The following NFIX variants were observed in gnomAD, a reference collection of about 807,000 sequenced individuals.
The protein encoded by NFIX is nuclear factor I X.
A neutral mutation model predicts 53.3 loss-of-function variants in NFIX; 2 were observed. That is an observed-to-expected ratio of 0.04 (90% CI 0.02 to 0.12). The LOEUF (loss-of-function observed/expected upper bound fraction) is 0.12, where lower values mean the gene tolerates loss of function less well. NFIX is among the 10% of genes least tolerant of loss of function. The pLI, the probability that NFIX is intolerant of heterozygous loss-of-function variation, is 1.00. For synonymous variants in NFIX, 244 were observed against 289.0 expected (o/e 0.84, Z 1.58); for missense variants, 310 against 674.5 (o/e 0.46, Z 5.99).
intron 1 of NFIX, among the ~76,000 whole-genome samples, chr19:12,997,834 C>T (rs1352167125): frequency 1.3e-5 from 2 of 152,206 alleles, no homozygotes; most frequent in African/African-American, 2.4e-5. Flanking sequence ...GGGGCGGCTG[C>T]GAGACCCAGG....
At chr19:13,024,704 G>T in intron 1 of NFIX, 1 of 1,536,446 alleles carries the variant, frequency 6.5e-7, no homozygotes, top group Non-Finnish European at 8.7e-7. Flanking sequence ...CGGCAACGTT[G>T]TCTGTGCGCG....
At chr19:13,044,041 A>C (rs948102685) in intron 2 of NFIX, among the ~76,000 whole-genome samples, 1 of 152,168 alleles carries the variant, frequency 6.6e-6, no homozygotes, top group East Asian at 1.9e-4. Context: ...TGGAAGCGTA[A>C]GTGTCTTCAG....
In NFIX at chr19:13,073,099, A is replaced by G; in HGVS notation, c.612A>G (p.Pro204=). Residue 204 remains proline, a synonymous_variant, in exon 3 of 11, where the codon CCA becomes CCG. Coordinates refer to ENST00000592199, the MANE Select transcript of NFIX (RefSeq NM_001365902.3). The surrounding 1 kb of genome is among the most constrained non-coding windows in gnomAD (Gnocchi z 4.5). ...AGCAAGGAGATGCGGACATCAAACC[A>G]CTGCCCAACGGTCAGTGCCCCCCAC... ...SNQQGDADIK[P]LPNGHLSFQD... is the part of the protein sequence containing the mutation. The G allele has an allele frequency of 3.7e-6, 6 of 1,613,986 alleles. No individual in the cohort carries two copies. The highest frequency in any genetic ancestry group is 2.2e-5 in the East Asian group (1 of 44,882).
At chr19:13,042,190 G>A (rs2014680140) in intron 2 of NFIX, among the ~76,000 whole-genome samples, 1 of 151,932 alleles carries the variant, frequency 6.6e-6, no homozygotes, top group East Asian at 1.9e-4. Context: ...ACAGGCATGA[G>A]CCACTGCGCC....
chr19:13,058,841 G>A (rs1028201244), intron 2 of NFIX, among the ~76,000 whole-genome samples: 2 of 152,104 alleles, frequency 1.3e-5, no homozygotes, highest in African/African-American at 2.4e-5. Flanking sequence ...GTGGGGAGGG[G>A]TAGGTCTGAG....
At position 13,078,608 on chromosome 19, in the gene NFIX, C is replaced by T. The variant is rs748466972; in HGVS notation, c.956-5C>T. Reference sequence around the variant, plus strand: ...CTGCCCTGTGTTGCTGCTTCCTCCCCCCAGGCCCGGCTTCTCTAAAGAAGT... The same window carrying T: ...CTGCCCTGTGTTGCTGCTTCCTCCCTCCAGGCCCGGCTTCTCTAAAGAAGT... On this transcript the variant is annotated splice_region_variant and splice_polypyrimidine_tract_variant and intron_variant, in intron 6 of 10. Coordinates refer to ENST00000592199, the MANE Select transcript of NFIX (RefSeq NM_001365902.3). The surrounding 1 kb of genome is among the most constrained non-coding windows in gnomAD (Gnocchi z 4.7). 3 of 1,598,508 alleles carry T rather than the reference C, an allele frequency of 1.9e-6. No individual in the cohort carries two copies. The highest frequency in any genetic ancestry group is 2.7e-5 in the African/African-American group (2 of 74,508).
Position 13,072,949 on chromosome 19 carries a change from G to A in NFIX, c.560-98G>A, listed in dbSNP as rs970964317. 26 of 1,201,336 alleles carry A rather than the reference G, an allele frequency of 2.2e-5. No individual in the cohort carries two copies. Among genetic ancestry groups the A allele is most frequent in the African/African-American group, 1.2e-4 (8 of 66,742 alleles). The allele number at this position is 1,201,336 out of a possible 1,614,324, so 74.4% of individuals were successfully genotyped here. On this transcript the variant is annotated intron_variant, in intron 2 of 10. Transcript: ENST00000592199. This position sits in a 1 kb window ranked among gnomAD's most constrained non-coding sequence, Gnocchi z 4.0. Reference sequence around the variant, plus strand: ...AAGGTTTCTGTAGCCAGGGTGGGCCGTCCCTGCTCTTGCACCAGGCTGGAG... The same window carrying A: ...AAGGTTTCTGTAGCCAGGGTGGGCCATCCCTGCTCTTGCACCAGGCTGGAG...
chr19:13,024,921 C>T (rs1006767447), intron 1 of NFIX, 100 bp from the exon 2 acceptor site: 3 of 1,487,816 alleles, frequency 2.0e-6, no homozygotes, highest in South Asian at 1.2e-5. Context: ...TGTGCCCCCC[C>T]TTCTAACGCT....
chr19:13,014,210 C>T lies in NFIX; in HGVS notation c.28-10811C>T, dbSNP rs929060737. ...TGCGGGCTTTTTTTTTCTCACCCGCCGTTCCCTCCGCTCCGGTCTGATTCG... is the reference window on the plus strand; with the variant it reads ...TGCGGGCTTTTTTTTTCTCACCCGCTGTTCCCTCCGCTCCGGTCTGATTCG... On this transcript the variant is annotated intron_variant, in intron 1 of 10. Coordinates refer to ENST00000592199, the MANE Select transcript of NFIX (RefSeq NM_001365902.3). The surrounding 1 kb of genome is among the most constrained non-coding windows in gnomAD (Gnocchi z 4.4). 1 of 152,110 alleles carries T rather than the reference C, an allele frequency of 6.6e-6. No homozygotes were observed. Among genetic ancestry groups the T allele is most frequent in the Non-Finnish European group, 1.5e-5 (1 of 68,028 alleles). The allele number at this position is 152,110 out of a possible 1,614,324, so 9.4% of individuals were successfully genotyped here.
rs1236280174 is a variant in NFIX at position 13,005,694 on chromosome 19, T to A, written c.27+9830T>A. Among the ~76,000 whole-genome samples, 2 of 152,126 alleles carry A rather than the reference T, an allele frequency of 1.3e-5. No individual in the cohort carries two copies. The highest frequency in any genetic ancestry group is 2.9e-5 in the Non-Finnish European group (2 of 68,024). ...CCTAAATCCTGCCGATGGGACAAAA[T>A]TGCAGCTTGTTCTCTGGCCTTTCCC... On this transcript the variant is annotated intron_variant, in intron 1 of 10. Transcript: ENST00000592199. This position sits in a 1 kb window ranked among gnomAD's most constrained non-coding sequence, Gnocchi z 4.7.
At chr19:13,079,429 T>C (rs1041146894) in intron 7 of NFIX, among the ~76,000 whole-genome samples, 3 of 152,206 alleles carry the variant, frequency 2.0e-5, no homozygotes, top group Admixed American at 2.0e-4. Flanking sequence ...GGCAGGAGGC[T>C]GTGGGAGCTG....
rs1335509861 is a variant in NFIX at position 13,049,677 on chromosome 19, T to G, written c.560-23370T>G. Among the ~76,000 whole-genome samples the G allele has an allele frequency of 1.3e-5, 2 of 150,792 alleles. No individual in the cohort carries two copies. The highest frequency in any genetic ancestry group is 2.4e-5 in the African/African-American group (1 of 40,938). Reference sequence around the variant, plus strand: ...GGCGCGATCTCTGCTCACTGCAACCTCTGCCTCCTGGGTTCAAGCGATTCT... The same window carrying G: ...GGCGCGATCTCTGCTCACTGCAACCGCTGCCTCCTGGGTTCAAGCGATTCT... On this transcript the variant is annotated intron_variant, in intron 2 of 10. Transcript: ENST00000592199. This position sits in a 1 kb window ranked among gnomAD's most constrained non-coding sequence, Gnocchi z 4.5.
In NFIX at chr19:13,073,010, G is replaced by A; in HGVS notation, c.560-37G>A. ...TTGGCTGGTGCTTATGGGGAACTTT[G>A]CTCCTGATACATTCTCCCCTTTTGT... On this transcript the variant is annotated intron_variant, in intron 2 of 10. Coordinates refer to ENST00000592199, the MANE Select transcript of NFIX (RefSeq NM_001365902.3). The surrounding 1 kb of genome is among the most constrained non-coding windows in gnomAD (Gnocchi z 4.5). The A allele has an allele frequency of 6.2e-7, 1 of 1,606,134 alleles. No individual in the cohort carries two copies. Among genetic ancestry groups the A allele is most frequent in the Non-Finnish European group, 8.5e-7 (1 of 1,172,826 alleles).
At chr19:13,059,944 C>T (rs935523271) in intron 2 of NFIX, among the ~76,000 whole-genome samples, 6 of 151,810 alleles carry the variant, frequency 4.0e-5, no homozygotes, top group African/African-American at 7.3e-5. Context: ...CCACCACACC[C>T]GGTTAATTTT....
At position 13,094,955 on chromosome 19, in the gene NFIX, G is replaced by T. The variant is rs951650601; in HGVS notation, c.*306G>T. 7 of 372,860 alleles carry T rather than the reference G, an allele frequency of 1.9e-5. No individual in the cohort carries two copies. The highest frequency in any genetic ancestry group is 8.4e-5 in the Admixed American group (2 of 23,722). 23.1% of individuals were successfully genotyped at this position (372,860 alleles called of 1,614,324 possible). A position where few individuals can be genotyped will look rare whatever the true frequency, so the allele number is the denominator to read the frequency against. On this transcript the variant is annotated 3_prime_UTR_variant, in exon 11 of 11. Coordinates refer to ENST00000592199, the MANE Select transcript of NFIX (RefSeq NM_001365902.3). This position sits in a 1 kb window ranked among gnomAD's most constrained non-coding sequence, Gnocchi z 4.3. Reference sequence around the variant, plus strand: ...AGGACAGAAAGCAAGAAAGGATGCAGAACTGCCTTCCTCCCCCTGACCCCG... The same window carrying T: ...AGGACAGAAAGCAAGAAAGGATGCATAACTGCCTTCCTCCCCCTGACCCCG...
intron 1 of NFIX, chr19:13,024,113 C>CAAAAAAAAAAAAAAA: frequency 2.4e-6 from 1 of 412,068 alleles, no homozygotes; most frequent in Non-Finnish European, 4.1e-6. Flanking sequence ...AGCAAACAAC[C>CAAAAAAAAAAAAAAA]AAAAAAAAAA....
chr19:13,024,497 T>C (rs1451184520), intron 1 of NFIX: 1 of 1,504,428 alleles, frequency 6.6e-7, no homozygotes, highest in South Asian at 1.2e-5. Flanking sequence ...TTCTGTCTTC[T>C]TGGGGGCGGC....
Position 13,012,700 on chromosome 19 carries a change from C to T in NFIX, c.28-12321C>T, listed in dbSNP as rs2012428000. Among the ~76,000 whole-genome samples, 1 of 152,142 alleles carries T rather than the reference C, an allele frequency of 6.6e-6. No homozygotes were observed. The highest frequency in any genetic ancestry group is 1.5e-5 in the Non-Finnish European group (1 of 68,032). On this transcript the variant is annotated intron_variant, in intron 1 of 10. Transcript: ENST00000592199. The surrounding 1 kb of genome is among the most constrained non-coding windows in gnomAD (Gnocchi z 5.0). ...CGTTGGAGGGCTTTGGCCGTGAATGCGATGTTGATGATTGCTGTGATTCTT... is the reference window on the plus strand; with the variant it reads ...CGTTGGAGGGCTTTGGCCGTGAATGTGATGTTGATGATTGCTGTGATTCTT...
chr19:13,087,774 CAAAAAAAAA>C (rs1157966190), intron 8 of NFIX, among the ~76,000 whole-genome samples: 29 of 26,396 alleles, frequency 1.1e-3, no homozygotes, highest in African/African-American at 2.1e-3. Flanking sequence ...AAAAGAGGAC[CAAAAAAAAA>C]AAAAAAAAAA....
Sources: gnomAD v4.1 joint callset for allele counts (sites outside exome capture counted in the v4.1 genomes callset) on GRCh38, gnomAD v4.1.1 for gene constraint, Gnocchi (gnomAD v3.1) non-coding constraint, MANE v1.5 for transcripts, NCBI Gene and HGNC (gene_info 2026-07-23, HGNC 2026-07-21) for gene names.